MYO16: variants seen among roughly 807,000 people sequenced by gnomAD.
The protein encoded by MYO16 is unconventional myosin-XVI.
Under a neutral mutation model 205.3 loss-of-function variants are expected in MYO16, and 94 were observed. The observed-to-expected ratio is 0.46, with a 90% CI of 0.39 to 0.54. The LOEUF is 0.54. Ranked by LOEUF, MYO16 falls within the 20% of genes least tolerant of loss-of-function variation. The pLI is 0.00. For missense variants in MYO16, 2,315 were observed against 2,387.5 expected, an observed-to-expected ratio of 0.97 and a Z score of 0.63; for synonymous variants, 988 against 954.0, an observed-to-expected ratio of 1.04 and a Z score of -0.66.
At chr13:108,788,592 C>T (rs979675677) in intron 5 of MYO16, among the ~76,000 whole-genome samples, 2 of 152,174 alleles carry the variant, frequency 1.3e-5, no homozygotes, top group African/African-American at 4.8e-5. Context: ...CATTCACTGT[C>T]GTTTCTTCTT....
At chr13:108,576,373 C>T in the MYO16 span, among the ~76,000 whole-genome samples, 1 of 152,096 alleles carries the variant, frequency 6.6e-6, no homozygotes, top group East Asian at 1.9e-4. Flanking sequence ...AGTACTGAAG[C>T]CTGAGAGTTA....
chr13:109,203,284 T>C (rs976141764), intron 34 of MYO16, among the ~76,000 whole-genome samples: 1 of 152,162 alleles, frequency 6.6e-6, no homozygotes, highest in Non-Finnish European at 1.5e-5. Context: ...GAGAAAATCT[T>C]CACAATCTAT....
chr13:109,107,089 T>A (rs1313345735), intron 28 of MYO16, among the ~76,000 whole-genome samples: 2 of 152,122 alleles, frequency 1.3e-5, no homozygotes, highest in Non-Finnish European at 2.9e-5. Flanking sequence ...ACCGGCATGA[T>A]ACGATACTTA....
intron 2 of MYO16, among the ~76,000 whole-genome samples, chr13:108,678,839 C>T (rs1304466068): frequency 6.6e-6 from 1 of 152,182 alleles, no homozygotes. Context: ...GGCCCAGTGG[C>T]TTAAACAATA....
chr13:108,860,117 TAAGTC>T (rs758353441), intron 11 of MYO16, among the ~76,000 whole-genome samples: 2 of 149,880 alleles, frequency 1.3e-5, no homozygotes, highest in East Asian at 4.5e-4. Flanking sequence ...ACCCAGGTAT[TAAGTC>T]CAGTACCCAA....
chr13:108,962,598 T>G, intron 19 of MYO16, 103 bp downstream of exon 19: 2 of 821,050 alleles, frequency 2.4e-6, no homozygotes, highest in Non-Finnish European at 3.8e-6. Flanking sequence ...TTCTATGAAT[T>G]GAATGCCAAA....
the MYO16 span, among the ~76,000 whole-genome samples, chr13:108,580,187 T>C: frequency 1.3e-5 from 2 of 152,226 alleles, no homozygotes; most frequent in African/African-American, 4.8e-5. Context: ...CATTTTGCTA[T>C]ACTGCATCCC....
the MYO16 span, among the ~76,000 whole-genome samples, chr13:108,552,500 C>G: frequency 6.6e-6 from 1 of 152,174 alleles, no homozygotes; most frequent in Admixed American, 6.5e-5. Flanking sequence ...ATCATCCATA[C>G]TGAACATTTT....
At chr13:109,092,913 C>T (rs915435348) in intron 27 of MYO16, among the ~76,000 whole-genome samples, 3 of 152,208 alleles carry the variant, frequency 2.0e-5, no homozygotes, top group African/African-American at 4.8e-5. Flanking sequence ...GTTAGATATT[C>T]TCTGCCTCTT....
intron 2 of MYO16, among the ~76,000 whole-genome samples, chr13:108,672,454 T>C (rs974537547): frequency 3.3e-5 from 5 of 152,198 alleles, no homozygotes; most frequent in African/African-American, 1.2e-4. Flanking sequence ...AATATACTTT[T>C]TCAAAGGACA....
intron 31 of MYO16, among the ~76,000 whole-genome samples, chr13:109,130,533 G>T (rs983900523): frequency 2.0e-5 from 3 of 152,226 alleles, no homozygotes; most frequent in Non-Finnish European, 4.4e-5. Flanking sequence ...TAAGCTGCTT[G>T]AGCATGCTTG....
At chr13:108,727,868 T>A (rs1884394687) in intron 4 of MYO16, among the ~76,000 whole-genome samples, 1 of 152,216 alleles carries the variant, frequency 6.6e-6, no homozygotes, top group Non-Finnish European at 1.5e-5. Flanking sequence ...GTTTGATAAT[T>A]TTGCTTTTCA....
Position 108,727,495 on chromosome 13 carries a change from A to G in MYO16, c.419A>G (p.Asn140Ser), listed in dbSNP as rs141525847. The G allele has an allele frequency of 8.8e-5, 142 of 1,614,032 alleles. No homozygotes were observed. In the African/African-American group the frequency reaches 1.6e-3, roughly 18 times the overall value. ...GAAATTCTGATTGACAGAGGAGTCA[A>G]CGTCAACCACCAGGATGAAGACTTC... The part of the protein sequence containing the change: ...IAEILIDRGV[N>S]VNHQDEDFWT... Residue 140 changes from asparagine to serine, a missense_variant, in exon 4 of 35, where the codon AAC becomes AGC. Physicochemically the swap from Asn to Ser is conservative, Grantham distance 46. Transcript: ENST00000457511.
chr13:108,757,802 G>C (rs904413946), intron 4 of MYO16, among the ~76,000 whole-genome samples: 3 of 152,122 alleles, frequency 2.0e-5, no homozygotes, highest in Non-Finnish European at 4.4e-5. Flanking sequence ...GTTTCATTTA[G>C]TTATAGTAAC....
intron 15 of MYO16, among the ~76,000 whole-genome samples, chr13:108,909,678 C>T (rs1219091820): frequency 1.3e-5 from 2 of 151,896 alleles, no homozygotes; most frequent in Non-Finnish European, 2.9e-5. Flanking sequence ...GACTCTCAAA[C>T]AGTGGGATAT....
chr13:109,105,407 C>T (rs772443371), intron 28 of MYO16, among the ~76,000 whole-genome samples: 13 of 152,212 alleles, frequency 8.5e-5, no homozygotes, highest in East Asian at 1.9e-4. Context: ...GGGAGGTGGA[C>T]GTTGTAGTGA....
At chr13:108,831,785 T>C (rs1196993643) in intron 9 of MYO16, among the ~76,000 whole-genome samples, 1 of 152,188 alleles carries the variant, frequency 6.6e-6, no homozygotes, top group Non-Finnish European at 1.5e-5. Flanking sequence ...AGTGCTGAGA[T>C]TACAGGCGTA....
rs533220813 is a variant in MYO16, at chr13:108,651,231, T to C, written c.29-14655T>C. Among the ~76,000 whole-genome samples the C allele has an allele frequency of 3.3e-5, 5 of 152,222 alleles. No homozygotes were observed. In the East Asian group the frequency reaches 9.7e-4, roughly 30 times the overall value. The stretch of plus-strand genomic sequence containing the variant: ...GGGGCCTTAGCACTTGGATATGACT[T>C]TGGAGCTGTCTGTGGCACAACCTGC... On this transcript the variant is annotated intron_variant, in intron 1 of 34. Coordinates refer to ENST00000457511, the MANE Select transcript of MYO16 (RefSeq NM_001198950.3).
Position 108,785,693 on chromosome 13 carries a change from T to G in MYO16, c.566T>G (p.Val189Gly), listed in dbSNP as rs1173047155. Residue 189 changes from valine to glycine, a missense_variant, in exon 5 of 35, where the codon GTA becomes GGA. Coordinates refer to ENST00000457511, the MANE Select transcript of MYO16 (RefSeq NM_001198950.3). ...GGAAATATCCCATTAGATTATGCTG[T>G]AGAAGGGACAGAATCCAGCTCTATC... ...VNGNIPLDYAVEGTESSSILL... is the reference protein window; with the variant it reads ...VNGNIPLDYAGEGTESSSILL... 1.7e-5 allele frequency: 28 copies of G among 1,613,674 alleles called. No homozygotes were observed. Among genetic ancestry groups the G allele is most frequent in the Non-Finnish European group, 2.4e-5 (28 of 1,179,908 alleles).
Sources: allele counts gnomAD v4.1 joint callset (sites outside exome capture counted in the v4.1 genomes callset), GRCh38; gene constraint gnomAD v4.1.1; transcripts MANE v1.5; gene names NCBI Gene and HGNC (gene_info 2026-07-23, HGNC 2026-07-21).